BANK1: variants seen among roughly 807,000 people sequenced by gnomAD.
The protein encoded by BANK1 is B cell scaffold protein with ankyrin repeats 1.
A neutral mutation model predicts 94.5 loss-of-function variants in BANK1; 95 were observed. That is an observed-to-expected ratio of 1.00 (90% CI 0.85 to 1.19). The LOEUF (loss-of-function observed/expected upper bound fraction) is 1.19. BANK1 is among the 50% of genes most tolerant of loss of function. The pLI, the probability that BANK1 is intolerant of heterozygous loss-of-function variation, is 0.00. For missense variants in BANK1, 987 were observed against 932.2 expected, an observed-to-expected ratio of 1.06 and a Z score of -0.77; for synonymous variants, 334 against 308.4, an observed-to-expected ratio of 1.08 and a Z score of -0.87.
intron 13 of BANK1, among the ~76,000 whole-genome samples, chr4:102,064,561 G>T (rs1168780923): frequency 1.4e-4 from 22 of 152,158 alleles, no homozygotes. Flanking sequence ...TAAGTGAGAA[G>T]CCATTCTGTT....
intron 13 of BANK1, among the ~76,000 whole-genome samples, chr4:102,063,666 A>G (rs1350383742): frequency 2.0e-5 from 3 of 151,888 alleles, no homozygotes; most frequent in African/African-American, 7.3e-5. Flanking sequence ...TACTAAAAAT[A>G]TAAAAATTAG....
chr4:101,924,224 A>C (rs1177946875), intron 7 of BANK1, among the ~76,000 whole-genome samples: 1 of 151,812 alleles, frequency 6.6e-6, no homozygotes, highest in Admixed American at 6.6e-5. Flanking sequence ...GAGATTTCTC[A>C]TGTCTACTAA....
rs145247623 is a variant in BANK1, at chr4:101,874,673, A to G, written c.903+4029A>G. Among the ~76,000 whole-genome samples, 225 of 152,012 alleles carry G rather than the reference A, an allele frequency of 1.5e-3. 2 individuals carry two copies. The highest frequency in any genetic ancestry group is 5.1e-3 in the African/African-American group (212 of 41,460). On this transcript the variant is annotated intron_variant, in intron 5 of 16. Coordinates refer to ENST00000322953, the MANE Select transcript of BANK1 (RefSeq NM_017935.5). Reference sequence around the variant, plus strand: ...GGTTCCCAAGTGTTTTCCAGAATCAACTCCTTTCACAGGCGCATCTTTTCC... The same window carrying G: ...GGTTCCCAAGTGTTTTCCAGAATCAGCTCCTTTCACAGGCGCATCTTTTCC...
intron 1 of BANK1, among the ~76,000 whole-genome samples, chr4:101,799,739 T>C (rs1431310225): frequency 6.6e-6 from 1 of 152,006 alleles, no homozygotes; most frequent in Admixed American, 6.5e-5. Context: ...CCGGGCGTGC[T>C]GGTGGGTGCC....
intron 7 of BANK1, among the ~76,000 whole-genome samples, chr4:101,996,482 G>A (rs1251560083): frequency 6.6e-6 from 1 of 152,180 alleles, no homozygotes; most frequent in Non-Finnish European, 1.5e-5. Context: ...ATGGTAGCTT[G>A]ATGGGGATAG....
chr4:101,857,081 T>A (rs995097281), intron 3 of BANK1, among the ~76,000 whole-genome samples: 1 of 152,320 alleles, frequency 6.6e-6, no homozygotes, highest in African/African-American at 2.4e-5. Context: ...TCAGCCTATG[T>A]CAACTGTCTG....
intron 5 of BANK1, among the ~76,000 whole-genome samples, chr4:101,877,777 T>G (rs939366695): frequency 2.6e-5 from 4 of 151,800 alleles, no homozygotes; most frequent in African/African-American, 9.7e-5. Flanking sequence ...CCCAGCTACT[T>G]GGGAGGCTGA....
chr4:101,864,329 C>T (rs930500858), intron 4 of BANK1, among the ~76,000 whole-genome samples: 1 of 152,138 alleles, frequency 6.6e-6, no homozygotes, highest in Non-Finnish European at 1.5e-5. Flanking sequence ...CTTCATGTCA[C>T]TGTATTTTGA....
intron 1 of BANK1, among the ~76,000 whole-genome samples, chr4:101,817,083 C>G (rs984434002): frequency 3.3e-5 from 5 of 152,080 alleles, no homozygotes; most frequent in Admixed American, 6.5e-5. Flanking sequence ...CTACTCAAAA[C>G]TGGTATTGTT....
chr4:101,917,104 G>A (rs1294260723), intron 6 of BANK1, among the ~76,000 whole-genome samples: 3 of 151,962 alleles, frequency 2.0e-5, no homozygotes, highest in African/African-American at 7.2e-5. Flanking sequence ...AAAAAGCAAT[G>A]AGATGGCTGT....
chr4:101,847,379 T>A (rs1228801847), intron 2 of BANK1, among the ~76,000 whole-genome samples: 1 of 152,120 alleles, frequency 6.6e-6, no homozygotes, highest in Admixed American at 6.5e-5. Flanking sequence ...TAGTTTTTTT[T>A]ACTATTATTA....
intron 2 of BANK1, among the ~76,000 whole-genome samples, chr4:101,844,782 T>C (rs1727183123): frequency 6.6e-6 from 1 of 152,234 alleles, no homozygotes; most frequent in African/African-American, 2.4e-5. Flanking sequence ...ATTTGAGACA[T>C]AGTCAAAACT....
chr4:101,994,311 A>T (rs1725804561), intron 7 of BANK1, among the ~76,000 whole-genome samples: 1 of 152,184 alleles, frequency 6.6e-6, no homozygotes, highest in Admixed American at 6.5e-5. Context: ...AGAAATGCTT[A>T]TTGTATTCAC....
At chr4:101,924,514 C>T (rs1239127992) in intron 7 of BANK1, among the ~76,000 whole-genome samples, 1 of 151,728 alleles carries the variant, frequency 6.6e-6, no homozygotes, top group Non-Finnish European at 1.5e-5. Context: ...TCTGCCTCAG[C>T]AGAGTAGGAA....
At chr4:102,061,871 TA>T (rs1195752102) in intron 12 of BANK1, 1 of 152,178 alleles carries the variant, frequency 6.6e-6, no homozygotes, top group Non-Finnish European at 1.5e-5. Flanking sequence ...TTTAAAAAAT[TA>T]TTTTTTTAAA....
Position 101,895,357 on chromosome 4 carries a change from T to C in BANK1, c.956T>C (p.Ile319Thr), listed in dbSNP as rs144793939. 2.2e-5 allele frequency: 35 copies of C among 1,594,910 alleles called. No homozygotes were observed. The highest frequency in any genetic ancestry group is 1.4e-5 in the African/African-American group (1 of 73,318). The change falls in exon 6 of 17, where the codon ATA (isoleucine) becomes ACA (threonine). Residue 319 changes from isoleucine (I) to threonine (T), a missense_variant. Transcript: ENST00000322953. ...GVLTSIFKHEIPYYEFQSLQT... is the reference protein window; with the variant it reads ...GVLTSIFKHETPYYEFQSLQT... ...CTTACATCCATATTCAAACATGAGA[T>C]ACCATATTATGAGTTCCAGTCTCTT...
intron 3 of BANK1, 117 bp from the exon 4 acceptor site, chr4:101,862,409 C>A: frequency 1.4e-6 from 1 of 713,018 alleles, no homozygotes; most frequent in Non-Finnish European, 2.1e-6. Context: ...AATACAAACA[C>A]CATAGAAGAC....
Position 102,072,358 on chromosome 4 carries a change from C to G in BANK1, c.2256C>G (p.Ala752=). 1 of 1,592,634 alleles carries G rather than the reference C, an allele frequency of 6.3e-7. No homozygotes were observed. The highest frequency in any genetic ancestry group is 1.1e-5 in the South Asian group (1 of 89,976). The change falls in exon 15 of 17, where the codon GCC becomes GCG. Residue 752 remains alanine (A), a synonymous_variant. Transcript: ENST00000322953. ...TTGTATTTCTAGGTAAGGAAACTGC[C>G]CACAATGAAAATAAGTTTTATAATG... ...IVHHPGGKET[A]HNENKFYNVH...
chr4:101,949,982 A>T (rs901905240), intron 7 of BANK1, among the ~76,000 whole-genome samples: 7 of 152,080 alleles, frequency 4.6e-5, no homozygotes, highest in African/African-American at 1.7e-4. Context: ...ATGGGCAAGG[A>T]TGCCTATAAA....
Sources: gnomAD v4.1 joint callset for allele counts (sites outside exome capture counted in the v4.1 genomes callset) on GRCh38, gnomAD v4.1.1 for gene constraint, MANE v1.5 for transcripts, NCBI Gene and HGNC (gene_info 2026-07-23, HGNC 2026-07-21) for gene names.